Variants in TMEM132D observed in about 807,000 individuals in gnomAD.
TMEM132D encodes the protein transmembrane protein 132D.
Under a neutral mutation model 62.3 loss-of-function variants are expected in TMEM132D, and 21 were observed. The ratio of observed to expected loss-of-function variants is 0.34; its 90% CI spans 0.24 to 0.49. The LOEUF is 0.49. Among genes scored for constraint, TMEM132D ranks in the 20% least tolerant of loss-of-function variants. The pLI, the probability that TMEM132D is intolerant of heterozygous loss-of-function variation, is 0.99. For missense variants in TMEM132D, 1,346 were observed against 1,402.8 expected (o/e 0.96, Z 0.65); for synonymous variants, 621 against 575.6 (o/e 1.08, Z -1.13).
At chr12:129,820,997 T>C (rs1376999258) in intron 1 of TMEM132D, among the ~76,000 whole-genome samples, 1 of 152,234 alleles carries the variant, frequency 6.6e-6, no homozygotes, top group East Asian at 1.9e-4. Context: ...TCTGGCCTGC[T>C]TCTCAACCAC....
At chr12:129,198,800 A>C (rs1170822886) in intron 5 of TMEM132D, among the ~76,000 whole-genome samples, 2 of 152,214 alleles carry the variant, frequency 1.3e-5, no homozygotes, top group East Asian at 1.9e-4. Flanking sequence ...TCCTCACTAC[A>C]AAAAATAAGT....
chr12:129,479,716 G>A (rs918171012), intron 3 of TMEM132D, among the ~76,000 whole-genome samples: 1 of 152,192 alleles, frequency 6.6e-6, no homozygotes, highest in Non-Finnish European at 1.5e-5. Context: ...TTTAAGGGAG[G>A]AGTGAAGAAA....
intron 1 of TMEM132D, among the ~76,000 whole-genome samples, chr12:129,887,417 T>C (rs1025525513): frequency 6.6e-6 from 1 of 152,176 alleles, no homozygotes. Context: ...AGCCACAGTA[T>C]AACACTTGAC....
chr12:129,443,032 C>A (rs1872985667), intron 3 of TMEM132D, among the ~76,000 whole-genome samples: 1 of 152,106 alleles, frequency 6.6e-6, no homozygotes, highest in South Asian at 2.1e-4. Flanking sequence ...AGAGGCCAGG[C>A]ACCCTTGCTT....
In TMEM132D at chr12:129,480,325, T is replaced by C. The variant is rs931861095; in HGVS notation, c.1115+50734A>G. Among the ~76,000 whole-genome samples the C allele has an allele frequency of 1.2e-4, 19 of 152,330 alleles. 1 individual carries two copies. The highest frequency in any genetic ancestry group is 3.4e-3 in the Middle Eastern group (1 of 294). On this transcript the variant is annotated intron_variant, in intron 3 of 8. Transcript: ENST00000422113. ...CCCCTGTGGGCCACTGAAAAGACTT[T>C]GGTGCTTACTTTGAGTGCAGTGAGG... is the stretch of plus-strand genomic sequence containing the variant.
chr12:129,408,624 G>GA (rs904273084), intron 3 of TMEM132D, among the ~76,000 whole-genome samples: 35 of 147,192 alleles, frequency 2.4e-4, no homozygotes, highest in African/African-American at 4.5e-4. Context: ...GAGCTATTCA[G>GA]AAAAAAAAAA....
At chr12:129,815,576 A>G (rs1872321734) in intron 1 of TMEM132D, among the ~76,000 whole-genome samples, 1 of 152,184 alleles carries the variant, frequency 6.6e-6, no homozygotes, top group African/African-American at 2.4e-5. Context: ...TTTAAATCAG[A>G]CCATTGCAAG....
chr12:129,248,469 C>T (rs1489855700), intron 4 of TMEM132D, among the ~76,000 whole-genome samples: 1 of 152,040 alleles, frequency 6.6e-6, no homozygotes, highest in Non-Finnish European at 1.5e-5. Context: ...TCTGAAATTG[C>T]TAGATCCCCT....
intron 3 of TMEM132D, among the ~76,000 whole-genome samples, chr12:129,529,276 G>C (rs1876147242): frequency 2.0e-5 from 3 of 152,206 alleles, no homozygotes; most frequent in African/African-American, 7.2e-5. Context: ...ATTCTATTCA[G>C]GGTCCTCGTT....
intron 3 of TMEM132D, among the ~76,000 whole-genome samples, chr12:129,368,245 A>ATGTGTGTG (rs34221350): frequency 0.18 from 26,732 of 151,242 alleles, 2,324 homozygotes; most frequent in South Asian, 0.22. Flanking sequence ...CATATGCAAA[A>ATGTGTGTG]TGTGTGTGTG....
At position 129,318,322 on chromosome 12, in the gene TMEM132D, G is replaced by C. The variant is rs1868558657; in HGVS notation, c.1299+19312C>G. ...TGAAGGCTGTTGTTCAGATTCTTTTGTCCCATGGGGTAGTCCCTTGATGTA... is the reference window on the plus strand; with the variant it reads ...TGAAGGCTGTTGTTCAGATTCTTTTCTCCCATGGGGTAGTCCCTTGATGTA... On this transcript the variant is annotated intron_variant, in intron 4 of 8. Coordinates refer to ENST00000422113, the MANE Select transcript of TMEM132D (RefSeq NM_133448.3). Among the ~76,000 whole-genome samples, 3 of 152,276 alleles carry C rather than the reference G, an allele frequency of 2.0e-5. No homozygotes were observed. In the South Asian group the frequency reaches 6.2e-4, roughly 32 times the overall value.
At chr12:129,473,398 C>T (rs1352902195) in intron 3 of TMEM132D, among the ~76,000 whole-genome samples, 2 of 122,510 alleles carry the variant, frequency 1.6e-5, no homozygotes, top group Admixed American at 1.1e-4. Flanking sequence ...GGCATGATCT[C>T]GGCTCACTGC....
chr12:129,315,954 A>AT (rs1389486550), intron 4 of TMEM132D, among the ~76,000 whole-genome samples: 5 of 151,986 alleles, frequency 3.3e-5, no homozygotes, highest in East Asian at 3.9e-4. Flanking sequence ...ACCTTGAATG[A>AT]TTTTTTGTAT....
chr12:129,083,406 C>T (rs1593253937), intron 6 of TMEM132D, among the ~76,000 whole-genome samples: 1 of 152,238 alleles, frequency 6.6e-6, no homozygotes, highest in Non-Finnish European at 1.5e-5. Context: ...GGATGCACTG[C>T]AGTGAGACTC....
At chr12:129,423,158 A>G (rs984070142) in intron 3 of TMEM132D, among the ~76,000 whole-genome samples, 1 of 152,100 alleles carries the variant, frequency 6.6e-6, no homozygotes, top group African/African-American at 2.4e-5. Flanking sequence ...ATAAATCTCA[A>G]TTCATATGCA....
At chr12:129,463,363 G>T (rs563069922) in intron 3 of TMEM132D, among the ~76,000 whole-genome samples, 3 of 151,872 alleles carry the variant, frequency 2.0e-5, no homozygotes, top group South Asian at 2.1e-4. Flanking sequence ...ACATTCACAG[G>T]TAAGCCTATC....
intron 2 of TMEM132D, among the ~76,000 whole-genome samples, chr12:129,593,744 A>G (rs1365779194): frequency 6.6e-6 from 1 of 152,198 alleles, no homozygotes; most frequent in African/African-American, 2.4e-5. Context: ...CCGGATGTAA[A>G]GCCTGTGCTT....
At chr12:129,320,223 G>A (rs1475611134) in intron 4 of TMEM132D, among the ~76,000 whole-genome samples, 1 of 152,164 alleles carries the variant, frequency 6.6e-6, no homozygotes, top group Non-Finnish European at 1.5e-5. Context: ...TTTCAGTTCT[G>A]GGACTACAGA....
At chr12:129,673,908 G>T (rs1880566786) in intron 2 of TMEM132D, among the ~76,000 whole-genome samples, 2 of 152,076 alleles carry the variant, frequency 1.3e-5, no homozygotes, top group Admixed American at 6.5e-5. Context: ...AGTGGGTTTT[G>T]CCCCTTTTCC....
Sources: allele counts gnomAD v4.1 joint callset (sites outside exome capture counted in the v4.1 genomes callset), GRCh38; gene constraint gnomAD v4.1.1; transcripts MANE v1.5; gene names NCBI Gene and HGNC (gene_info 2026-07-23, HGNC 2026-07-21).